The following TMC1 variants were observed in gnomAD, a reference collection of about 807,000 sequenced individuals.
TMC1 encodes transmembrane channel like 1.
In TMC1, 84 loss-of-function variants were observed where a neutral mutation model predicts 105.8. The observed-to-expected ratio is 0.79, with a 90% CI of 0.67 to 0.95. TMC1 has a LOEUF of 0.95. Ranked by LOEUF, TMC1 falls within the 40% of genes least tolerant of loss-of-function variation. The pLI is 0.00. For synonymous variants in TMC1, 315 were observed against 311.5 expected, an observed-to-expected ratio of 1.01 and a Z score of -0.12; for missense variants, 817 against 914.1, an observed-to-expected ratio of 0.89 and a Z score of 1.37.
chr9:72,742,408 G>T, intron 9 of TMC1, 36 bp from the exon 10 acceptor site: 3 of 1,543,014 alleles, frequency 1.9e-6, no homozygotes, highest in Non-Finnish European at 2.7e-6. Flanking sequence ...AAATCAAGAG[G>T]TTGGACTTTA....
At chr9:72,592,721 G>C (rs905240535) in intron 2 of TMC1, among the ~76,000 whole-genome samples, 1 of 152,198 alleles carries the variant, frequency 6.6e-6, no homozygotes, top group Non-Finnish European at 1.5e-5. Flanking sequence ...AACATCCCTA[G>C]GTATCAGATG....
intron 4 of TMC1, among the ~76,000 whole-genome samples, chr9:72,633,849 A>G (rs1225552047): frequency 2.0e-5 from 3 of 152,176 alleles, no homozygotes; most frequent in South Asian, 2.1e-4. Flanking sequence ...CACCATCTAC[A>G]TGGAAACAAC....
chr9:72,818,965 G>A (rs192318077), intron 19 of TMC1, among the ~76,000 whole-genome samples: 3 of 152,210 alleles, frequency 2.0e-5, no homozygotes, highest in Non-Finnish European at 4.4e-5. Context: ...CAATGTGCAC[G>A]TATATAGGTA....
At chr9:72,621,192 A>T (rs527586927) in intron 3 of TMC1, among the ~76,000 whole-genome samples, 2 of 152,368 alleles carry the variant, frequency 1.3e-5, no homozygotes, top group Admixed American at 1.3e-4. Flanking sequence ...TGTAACACAG[A>T]TTTAGCTTGG....
Position 72,826,852 on chromosome 9 carries a change from C to G in TMC1, c.2004-17C>G. On this transcript the variant is annotated splice_polypyrimidine_tract_variant and intron_variant, in intron 20 of 23. Coordinates refer to ENST00000297784, the MANE Select transcript of TMC1 (RefSeq NM_138691.3). ...ATGTTCTTAATAAACTTATCTCCCC[C>G]TTTTTAATTCCCCCAGTGGCAAAAA... The G allele has an allele frequency of 6.2e-7, 1 of 1,613,644 alleles. No individual in the cohort carries two copies. Among genetic ancestry groups the G allele is most frequent in the East Asian group, 2.2e-5 (1 of 44,878 alleles).
rs1239194231 is a variant in TMC1 at position 72,521,871 on chromosome 9, T to A, written c.-470T>A. The A allele has an allele frequency of 2.0e-5, 3 of 152,214 alleles. No homozygotes were observed. Among genetic ancestry groups the A allele is most frequent in the Non-Finnish European group, 4.4e-5 (3 of 68,034 alleles). The allele number at this position is 152,214 out of a possible 1,614,324, so 9.4% of individuals were successfully genotyped here. On this transcript the variant is annotated 5_prime_UTR_variant, in exon 1 of 24. Coordinates refer to ENST00000297784, the MANE Select transcript of TMC1 (RefSeq NM_138691.3). ...AAGCCCTCCAGGAGTTGCTGAAATT[T>A]AGGAATCATTGCCCCAAAAAGTGGC...
chr9:72,556,159 C>T (rs1165436852), intron 1 of TMC1, among the ~76,000 whole-genome samples: 1 of 150,848 alleles, frequency 6.6e-6, no homozygotes, highest in Non-Finnish European at 1.5e-5. Flanking sequence ...TTTGGTTAGC[C>T]AGACTGGAGT....
chr9:72,805,130 G>A (rs545764187), intron 17 of TMC1: 22 of 363,336 alleles, frequency 6.1e-5, no homozygotes, highest in South Asian at 9.4e-5. Context: ...TTTGGCTCTC[G>A]TATCATGTTT....
intron 12 of TMC1, among the ~76,000 whole-genome samples, chr9:72,766,935 C>T (rs529640563): frequency 2.0e-5 from 3 of 152,200 alleles, no homozygotes; most frequent in Admixed American, 6.5e-5. Flanking sequence ...TGTGGCCATG[C>T]GCTGCTGTCA....
chr9:72,731,201 G>T (rs1336296255), intron 8 of TMC1, among the ~76,000 whole-genome samples: 1 of 152,216 alleles, frequency 6.6e-6, no homozygotes, highest in Non-Finnish European at 1.5e-5. Flanking sequence ...TCACATCTAT[G>T]CCAGGTGCTA....
At chr9:72,705,472 G>A (rs1273129387) in intron 8 of TMC1, among the ~76,000 whole-genome samples, 1 of 152,050 alleles carries the variant, frequency 6.6e-6, no homozygotes, top group Non-Finnish European at 1.5e-5. Context: ...AAGCAGTTTG[G>A]TGAAATCAAA....
chr9:72,745,623 A>T (rs1165119395), intron 10 of TMC1, among the ~76,000 whole-genome samples: 1 of 152,172 alleles, frequency 6.6e-6, no homozygotes, highest in Non-Finnish European at 1.5e-5. Flanking sequence ...TAGTTGAAAA[A>T]ATATGAAACC....
chr9:72,773,318 T>G (rs17640839), intron 13 of TMC1, among the ~76,000 whole-genome samples: 10,612 of 152,178 alleles, frequency 0.07, 430 homozygotes, highest in African/African-American at 0.11. Flanking sequence ...TTTGACTATG[T>G]GCAAGTTGAA....
At chr9:72,731,549 T>TA (rs1439988072) in intron 8 of TMC1, among the ~76,000 whole-genome samples, 1 of 152,240 alleles carries the variant, frequency 6.6e-6, no homozygotes, top group East Asian at 1.9e-4. Flanking sequence ...CCTCTCATCT[T>TA]ATGTTTTCTC....
At chr9:72,772,813 A>G (rs1306941165) in intron 13 of TMC1, among the ~76,000 whole-genome samples, 1 of 152,100 alleles carries the variant, frequency 6.6e-6, no homozygotes, top group African/African-American at 2.4e-5. Context: ...GTTTAAACAT[A>G]TTTTTTAAAT....
At position 72,789,290 on chromosome 9, in the gene TMC1, C is replaced by T; in HGVS notation, c.1197C>T (p.Asp399=). The part of the protein sequence containing the change: ...RSQEFAQQDP[D]TLGWWEKNEM... The stretch of plus-strand genomic sequence containing the variant: ...AGGAATTTGCACAGCAAGATCCTGA[C>T]ACCCTTGGGTGGTGGGAAAAAAATG... The change falls in exon 15 of 24, where the codon GAC becomes GAT. Residue 399 remains aspartate, a synonymous_variant. Transcript: ENST00000297784. 6.2e-7 allele frequency: 1 copy of T among 1,614,002 alleles called. No individual in the cohort carries two copies. Among genetic ancestry groups the T allele is most frequent in the South Asian group, 1.1e-5 (1 of 91,084 alleles).
In TMC1 at chr9:72,627,925, C is replaced by A; in HGVS notation, c.-191C>A. On this transcript the variant is annotated 5_prime_UTR_variant, in exon 4 of 24. It introduces an in-frame stop codon into an upstream open reading frame of the 5' UTR. Coordinates refer to ENST00000297784, the MANE Select transcript of TMC1 (RefSeq NM_138691.3). ...TTTTTTTTTTTCATATTTTAGGATG[C>A]CAGAAGCCTCAAAAATGGAAAACCC... The A allele has an allele frequency of 5.0e-6, 2 of 399,512 alleles. No homozygotes were observed. Among genetic ancestry groups the A allele is most frequent in the Non-Finnish European group, 9.9e-6 (2 of 201,464 alleles). 24.7% of individuals were successfully genotyped at this position (399,512 alleles called of 1,614,324 possible).
At chr9:72,795,790 C>G (rs1828354156) in intron 17 of TMC1, among the ~76,000 whole-genome samples, 1 of 151,912 alleles carries the variant, frequency 6.6e-6, no homozygotes, top group Non-Finnish European at 1.5e-5. Flanking sequence ...TAAATCCATA[C>G]ATATTAATAC....
intron 1 of TMC1, among the ~76,000 whole-genome samples, chr9:72,572,385 G>C (rs1380990269): frequency 1.3e-5 from 2 of 151,884 alleles, no homozygotes; most frequent in Non-Finnish European, 2.9e-5. Context: ...AGTAGAGATG[G>C]TATTTTGTCA....
Sources: allele counts gnomAD v4.1 joint callset (sites outside exome capture counted in the v4.1 genomes callset), GRCh38; gene constraint gnomAD v4.1.1; transcripts MANE v1.5; gene names NCBI Gene and HGNC (gene_info 2026-07-23, HGNC 2026-07-21).